Variants in TRPM3 observed in about 807,000 individuals in gnomAD.
TRPM3 encodes long transient receptor potential channel 3.
In TRPM3, 77 loss-of-function variants were observed where a neutral mutation model predicts 181.2. The observed-to-expected ratio is 0.42, with a 90% CI of 0.35 to 0.51. The LOEUF (loss-of-function observed/expected upper bound fraction) is 0.51. Among genes scored for constraint, TRPM3 ranks in the 20% least tolerant of loss-of-function variants. TRPM3 has a pLI of 0.01. For synonymous variants in TRPM3, 745 were observed against 796.4 expected, an observed-to-expected ratio of 0.94 and a Z score of 1.09; for missense variants, 1,759 against 2,196.7, an observed-to-expected ratio of 0.80 and a Z score of 3.98.
At chr9:70,569,890 A>AT (rs1287107834) in intron 22 of TRPM3, among the ~76,000 whole-genome samples, 2 of 152,040 alleles carry the variant, frequency 1.3e-5, no homozygotes, top group African/African-American at 4.8e-5. Flanking sequence ...TTAAAAATAT[A>AT]TTTTTTTCAT....
intron 17 of TRPM3, among the ~76,000 whole-genome samples, chr9:70,618,161 G>A (rs1024145196): frequency 1.5e-4 from 23 of 151,882 alleles, no homozygotes; most frequent in African/African-American, 4.6e-4. Flanking sequence ...AAAAGCAAAC[G>A]CTATACACCA....
At chr9:71,320,604 C>G (rs1050563425) in intron 1 of TRPM3, among the ~76,000 whole-genome samples, 5 of 152,146 alleles carry the variant, frequency 3.3e-5, no homozygotes, top group Non-Finnish European at 7.4e-5. Flanking sequence ...CTCCCTTGAC[C>G]CAGTGTATAA....
intron 1 of TRPM3, among the ~76,000 whole-genome samples, chr9:71,417,650 G>A (rs1043631106): frequency 2.0e-5 from 3 of 151,918 alleles, no homozygotes; most frequent in Non-Finnish European, 4.4e-5. Context: ...ACATATCTGA[G>A]AAAGGTATGA....
At chr9:71,381,032 A>C (rs1207916268) in intron 1 of TRPM3, among the ~76,000 whole-genome samples, 1 of 152,134 alleles carries the variant, frequency 6.6e-6, no homozygotes. Flanking sequence ...AGCAAGTGTG[A>C]GATTGGTGTT....
chr9:71,413,372 T>A (rs576254365), intron 1 of TRPM3, among the ~76,000 whole-genome samples: 3 of 152,172 alleles, frequency 2.0e-5, no homozygotes, highest in Non-Finnish European at 4.4e-5. Flanking sequence ...GTGTCTATTA[T>A]TCTTTTTATA....
At position 70,535,905 on chromosome 9, in the gene TRPM3, A is replaced by T; in HGVS notation, c.*48T>A. 6.5e-7 allele frequency: 1 copy of T among 1,531,396 alleles called. No homozygotes were observed. The highest frequency in any genetic ancestry group is 8.8e-7 in the Non-Finnish European group (1 of 1,142,672). The allele number at this position is 1,531,396 out of a possible 1,614,324, so 94.9% of individuals were successfully genotyped here. ...AGGGGAAAAACTGGAGTTGGAGAGA[A>T]TTTTAGGGCTGGATTCTTGAGCCTT... is the stretch of plus-strand genomic sequence containing the variant. On this transcript the variant is annotated 3_prime_UTR_variant, in exon 26 of 26. Coordinates refer to ENST00000677713, the MANE Select transcript of TRPM3 (RefSeq NM_001366145.2).
At chr9:71,188,482 T>C (rs915476372) in intron 1 of TRPM3, among the ~76,000 whole-genome samples, 16 of 151,906 alleles carry the variant, frequency 1.1e-4, no homozygotes, top group African/African-American at 3.9e-4. Flanking sequence ...AATCTGTGGA[T>C]AATATTTTGA....
At chr9:71,254,576 C>T (rs956063838) in intron 1 of TRPM3, among the ~76,000 whole-genome samples, 22 of 152,140 alleles carry the variant, frequency 1.4e-4, no homozygotes, top group African/African-American at 5.1e-4. Flanking sequence ...TATTTTAAAA[C>T]ATGATGTACA....
At chr9:70,788,717 G>T (rs2084553389) in intron 6 of TRPM3, among the ~76,000 whole-genome samples, 1 of 152,094 alleles carries the variant, frequency 6.6e-6, no homozygotes, top group Non-Finnish European at 1.5e-5. Flanking sequence ...CCCTGAGCTT[G>T]CTTTCTCATC....
At chr9:70,604,809 G>C (rs1365522693) in intron 19 of TRPM3, among the ~76,000 whole-genome samples, 1 of 151,976 alleles carries the variant, frequency 6.6e-6, no homozygotes, top group African/African-American at 2.4e-5. Flanking sequence ...ACCACACCCA[G>C]CTAAGTTTTT....
intron 1 of TRPM3, among the ~76,000 whole-genome samples, chr9:70,945,041 C>T (rs1385364332): frequency 6.6e-6 from 1 of 152,172 alleles, no homozygotes; most frequent in Non-Finnish European, 1.5e-5. Flanking sequence ...GCCTTTAAAG[C>T]CATCATGACT....
chr9:71,068,261 T>C (rs1333065056), intron 1 of TRPM3, among the ~76,000 whole-genome samples: 4 of 152,240 alleles, frequency 2.6e-5, no homozygotes, highest in African/African-American at 9.6e-5. Flanking sequence ...CAATTCTTGG[T>C]ACACTCAGGA....
At chr9:71,259,815 T>C (rs1464361527) in intron 1 of TRPM3, among the ~76,000 whole-genome samples, 1 of 152,092 alleles carries the variant, frequency 6.6e-6, no homozygotes, top group Non-Finnish European at 1.5e-5. Context: ...TTTGCAAAAA[T>C]TTTCTTCCAT....
chr9:70,689,310 C>A (rs1478545414), intron 8 of TRPM3, among the ~76,000 whole-genome samples: 1 of 151,894 alleles, frequency 6.6e-6, no homozygotes, highest in East Asian at 1.9e-4. Context: ...AGACAACTGA[C>A]TTTTATAACA....
At chr9:71,300,632 A>G (rs1366116883) in intron 1 of TRPM3, among the ~76,000 whole-genome samples, 2 of 152,170 alleles carry the variant, frequency 1.3e-5, no homozygotes, top group East Asian at 3.8e-4. Context: ...ATTCTAAGTC[A>G]GGAATTTCCT....
rs1340373639 is a variant in TRPM3, at chr9:70,655,213, GGAGAA to G, written c.1346-14558_1346-14554del. Among the ~76,000 whole-genome samples the G allele has an allele frequency of 5.0e-3, 725 of 144,524 alleles. 9 individuals carry two copies. Among genetic ancestry groups the G allele is most frequent in the African/African-American group, 0.018 (688 of 38,954 alleles). The allele number at this position is 144,524 out of a possible 152,430, so 94.8% of individuals were successfully genotyped here. On this transcript the variant is annotated intron_variant, in intron 9 of 25. Coordinates refer to ENST00000677713, the MANE Select transcript of TRPM3 (RefSeq NM_001366145.2). Reference sequence around the variant, plus strand: ...CCCTGGTACTCAGGAGGCTGGGGCAGGAGAATCACTTGAACCTGGGAGGCAGAGGT... The same window carrying G: ...CCCTGGTACTCAGGAGGCTGGGGCAGTCACTTGAACCTGGGAGGCAGAGGT...
At chr9:71,404,247 TAAG>T (rs1372051330) in intron 1 of TRPM3, among the ~76,000 whole-genome samples, 2 of 152,196 alleles carry the variant, frequency 1.3e-5, no homozygotes, top group Admixed American at 6.5e-5. Flanking sequence ...ACTGACTTTT[TAAG>T]AAGAAATCAG....
chr9:71,410,326 G>C (rs964683910), intron 1 of TRPM3, among the ~76,000 whole-genome samples: 6 of 152,032 alleles, frequency 3.9e-5, no homozygotes, highest in African/African-American at 7.2e-5. Context: ...TCCAGGAGCT[G>C]GTTTTTTGAA....
At chr9:70,916,526 A>G (rs1307826490) in intron 1 of TRPM3, among the ~76,000 whole-genome samples, 1 of 152,158 alleles carries the variant, frequency 6.6e-6, no homozygotes, top group East Asian at 1.9e-4. Flanking sequence ...AGTTTCTATT[A>G]GTTTTTGCTT....
Sources: gnomAD v4.1 joint callset for allele counts (sites outside exome capture counted in the v4.1 genomes callset) on GRCh38, gnomAD v4.1.1 for gene constraint, MANE v1.5 for transcripts, NCBI Gene and HGNC (gene_info 2026-07-23, HGNC 2026-07-21) for gene names.